Variants in SIPA1L2 observed in about 807,000 individuals in gnomAD.
The protein encoded by SIPA1L2 is signal-induced proliferation-associated 1-like protein 2.
In SIPA1L2, 56 loss-of-function variants were observed where a neutral mutation model predicts 163.9. The observed-to-expected ratio is 0.34, with a 90% CI of 0.28 to 0.43. The LOEUF (loss-of-function observed/expected upper bound fraction) is 0.43. Among genes scored for constraint, SIPA1L2 ranks in the 20% least tolerant of loss-of-function variants. The pLI is 1.00. For missense variants in SIPA1L2, 1,974 were observed against 2,193.5 expected (o/e 0.90, Z 2.00); for synonymous variants, 877 against 865.7 (o/e 1.01, Z -0.23).
chr1:232,591,315 A>C (rs562365780), intron 1 of SIPA1L2, among the ~76,000 whole-genome samples: 1 of 152,396 alleles, frequency 6.6e-6, no homozygotes, highest in African/African-American at 2.4e-5. Context: ...ATCAACACAC[A>C]CAGGTACTCG....
At chr1:232,444,564 G>C (rs2102870555) in intron 11 of SIPA1L2, among the ~76,000 whole-genome samples, 1 of 152,198 alleles carries the variant, frequency 6.6e-6, no homozygotes, top group East Asian at 1.9e-4. Context: ...ATGACCACAG[G>C]TTTTATCAAT....
intron 16 of SIPA1L2, among the ~76,000 whole-genome samples, chr1:232,431,345 T>C (rs1388466307): frequency 2.6e-5 from 4 of 152,232 alleles, no homozygotes; most frequent in Non-Finnish European, 2.9e-5. Flanking sequence ...GATTCCATGT[T>C]CAATTTAAGC....
chr1:232,603,471 C>T (rs775917600), intron 1 of SIPA1L2, among the ~76,000 whole-genome samples: 1 of 152,006 alleles, frequency 6.6e-6, no homozygotes. Flanking sequence ...GAGAACGAGG[C>T]GCAGAGGTAA....
At chr1:232,551,170 G>T (rs561416958) in intron 2 of SIPA1L2, among the ~76,000 whole-genome samples, 2 of 152,306 alleles carry the variant, frequency 1.3e-5, no homozygotes, top group Admixed American at 1.3e-4. Context: ...AGATGAGATA[G>T]CAGAATGCAT....
chr1:232,623,433 G>A (rs576075943), intron 1 of SIPA1L2, among the ~76,000 whole-genome samples: 2 of 152,042 alleles, frequency 1.3e-5, no homozygotes, highest in African/African-American at 2.4e-5. Flanking sequence ...GTGAAACTCC[G>A]TCTCTACTAA....
chr1:232,403,373 G>A, intron 21 of SIPA1L2, 75 bp downstream of exon 21: 1 of 1,561,020 alleles, frequency 6.4e-7, no homozygotes, highest in Non-Finnish European at 8.7e-7. Flanking sequence ...CTGGCTCAGG[G>A]TTAGTCGGTT....
intron 1 of SIPA1L2, among the ~76,000 whole-genome samples, chr1:232,622,527 T>C (rs911614603): frequency 2.2e-4 from 33 of 152,324 alleles, no homozygotes; most frequent in African/African-American, 7.5e-4. Context: ...TGCAGCCTCA[T>C]GGGATTCAAA....
rs1221612105 is a variant in SIPA1L2, at chr1:232,515,255, G to C, written c.85C>G (p.Gln29Glu). 6.2e-7 allele frequency: 1 copy of C among 1,614,024 alleles called. No individual in the cohort carries two copies. The highest frequency in any genetic ancestry group is 1.1e-5 in the South Asian group (1 of 91,072). ...SKFKDPPRIM[Q>E]SDDYFARKFK... is the part of the protein sequence containing the mutation. ...TTCCGAGCAAAATAATCATCTGACT[G>C]CATGATTCTAGGGGGATCCTTGAAC... Residue 29 changes from glutamine to glutamate, a missense_variant, in exon 3 of 23, where the codon CAG becomes GAG. This residue lies in a region of SIPA1L2 where 607 missense variants were observed against 624.0 expected (regional missense o/e 0.97). Coordinates refer to ENST00000674635, the MANE Select transcript of SIPA1L2 (RefSeq NM_020808.5).
chr1:232,512,658 G>A (rs1667032271), intron 3 of SIPA1L2, among the ~76,000 whole-genome samples: 1 of 152,178 alleles, frequency 6.6e-6, no homozygotes, highest in Non-Finnish European at 1.5e-5. Context: ...TCATAAGCAG[G>A]AGGGAGAGCT....
At chr1:232,484,031 T>C (rs1396238624) in intron 5 of SIPA1L2, 65 bp from the exon 6 acceptor site, 24 of 1,455,936 alleles carry the variant, frequency 1.6e-5, no homozygotes, top group Non-Finnish European at 5.6e-6. Context: ...TCCAGTAAAA[T>C]TAAAACTACA....
chr1:232,456,433 T>C (rs895987921), intron 10 of SIPA1L2, among the ~76,000 whole-genome samples: 1 of 152,146 alleles, frequency 6.6e-6, no homozygotes, highest in Non-Finnish European at 1.5e-5. Context: ...CATGAGAAAA[T>C]TTCCACTGTT....
chr1:232,515,415 A>T lies in SIPA1L2; in HGVS notation c.-76T>A. The stretch of plus-strand genomic sequence containing the variant: ...TAATTACATTGCTACCGACCACGCC[A>T]TAATACTTGCAGATATAAAGGCTTT... On this transcript the variant is annotated 5_prime_UTR_variant, in exon 3 of 23. It removes an upstream start codon present in the reference 5' UTR. Coordinates refer to ENST00000674635, the MANE Select transcript of SIPA1L2 (RefSeq NM_020808.5). The T allele has an allele frequency of 7.0e-7, 1 of 1,423,188 alleles. No homozygotes were observed. The highest frequency in any genetic ancestry group is 9.4e-7 in the Non-Finnish European group (1 of 1,064,988). 88.2% of individuals were successfully genotyped at this position (1,423,188 alleles called of 1,614,324 possible). A position where few individuals can be genotyped will look rare whatever the true frequency, so the allele number is the denominator to read the frequency against.
At chr1:232,440,451 G>A (rs1031612304) in intron 14 of SIPA1L2, among the ~76,000 whole-genome samples, 1 of 152,126 alleles carries the variant, frequency 6.6e-6, no homozygotes, top group Non-Finnish European at 1.5e-5. Context: ...CCCACACCAT[G>A]TATCCCTTTG....
intron 1 of SIPA1L2, among the ~76,000 whole-genome samples, chr1:232,598,195 A>G (rs1661381320): frequency 6.7e-6 from 1 of 150,280 alleles, no homozygotes; most frequent in South Asian, 2.1e-4. Flanking sequence ...TGAGCCCAGG[A>G]GTTTGAGACT....
At position 232,596,879 on chromosome 1, in the gene SIPA1L2, C is replaced by T. The variant is rs563909569; in HGVS notation, c.-318-22657G>A. 3.3e-5 allele frequency among the ~76,000 whole-genome samples: 5 copies of T among 152,264 alleles called. No individual in the cohort carries two copies. The East Asian group carries it at 7.8e-4, about 24-fold the overall frequency. On this transcript the variant is annotated intron_variant, in intron 1 of 22. Coordinates refer to ENST00000674635, the MANE Select transcript of SIPA1L2 (RefSeq NM_020808.5). ...ATCTGATTAGAAAATGGTTCATTCC[C>T]GGCCTCCTCCTGCTCAAGGACCAGG...
At chr1:232,597,684 T>C (rs1242420753) in intron 1 of SIPA1L2, among the ~76,000 whole-genome samples, 2 of 85,312 alleles carry the variant, frequency 2.3e-5, no homozygotes, top group East Asian at 2.8e-4. Flanking sequence ...AGCGAAACTC[T>C]GTCTCAAAAA....
intron 21 of SIPA1L2, 39 bp downstream of exon 21, chr1:232,403,409 G>A: frequency 6.3e-7 from 1 of 1,596,322 alleles, no homozygotes; most frequent in Non-Finnish European, 8.5e-7. Context: ...AATCATGCCT[G>A]GAACAGCAGG....
chr1:232,491,426 T>C (rs979519619), intron 4 of SIPA1L2, among the ~76,000 whole-genome samples: 1 of 152,188 alleles, frequency 6.6e-6, no homozygotes, highest in Non-Finnish European at 1.5e-5. Flanking sequence ...GACCTGACCA[T>C]GATCACCCTT....
At position 232,491,000 on chromosome 1, in the gene SIPA1L2, G is replaced by C. The variant is rs780947019; in HGVS notation, c.1680C>G (p.Thr560=). Residue 560 remains threonine (T), a synonymous_variant, in exon 5 of 23, where the codon ACC becomes ACG. Coordinates refer to ENST00000674635, the MANE Select transcript of SIPA1L2 (RefSeq NM_020808.5). ...DAIPSTARHG[T]ARGLPLKEVL... is the part of the protein sequence containing the mutation. ...CTTCTTTGAGAGGTAGTCCTCGTGC[G>C]GTACCATGCCTAGCAGTAGAGGGTA... is the stretch of plus-strand genomic sequence containing the variant. 1.9e-6 allele frequency: 3 copies of C among 1,614,074 alleles called. No homozygotes were observed. Among genetic ancestry groups the C allele is most frequent in the Admixed American group, 3.3e-5 (2 of 60,014 alleles).
Sources: gnomAD v4.1 joint callset for allele counts (sites outside exome capture counted in the v4.1 genomes callset) on GRCh38, gnomAD v4.1.1 for gene constraint, gnomAD v4.1.1 regional missense constraint, MANE v1.5 for transcripts, NCBI Gene and HGNC (gene_info 2026-07-23, HGNC 2026-07-21) for gene names.